Variants in SCD5 observed in about 807,000 individuals in gnomAD.
SCD5 encodes acyl-CoA-desaturase 4.
In SCD5, 20 loss-of-function variants were observed where a neutral mutation model predicts 30.4. The observed-to-expected ratio is 0.66, with a 90% CI of 0.46 to 0.96. The LOEUF (loss-of-function observed/expected upper bound fraction) is 0.96. Among genes scored for constraint, SCD5 ranks in the 40% least tolerant of loss-of-function variants. The probability of loss-of-function intolerance (pLI) is 0.00; values close to 1 mark genes in which losing one functional copy is unlikely to be tolerated. For missense variants in SCD5, 381 were observed against 443.3 expected (o/e 0.86, Z 1.26); for synonymous variants, 173 against 176.4 (o/e 0.98, Z 0.16).
At chr4:82,684,390 A>T (rs1410430903) in intron 2 of SCD5, among the ~76,000 whole-genome samples, 1 of 152,230 alleles carries the variant, frequency 6.6e-6, no homozygotes, top group African/African-American at 2.4e-5. Flanking sequence ...AAATAAATTA[A>T]AAAAAGAAAT....
chr4:82,680,578 T>C, intron 3 of SCD5, 129 bp downstream of exon 3: 1 of 826,758 alleles, frequency 1.2e-6, no homozygotes, highest in Non-Finnish European at 1.9e-6. Flanking sequence ...AGATAAATCT[T>C]ATAAATATGG....
intron 1 of SCD5, among the ~76,000 whole-genome samples, chr4:82,747,828 T>C (rs17006263): frequency 0.045 from 6,779 of 152,160 alleles, 194 homozygotes; most frequent in South Asian, 0.11. Context: ...ACAAGAACCA[T>C]AGGGGGCAAA....
At chr4:82,656,392 T>C (rs1727868856) in intron 3 of SCD5, among the ~76,000 whole-genome samples, 1 of 152,178 alleles carries the variant, frequency 6.6e-6, no homozygotes, top group South Asian at 2.1e-4. Context: ...CTGAGAATGA[T>C]GGTTTCCAGA....
At chr4:82,667,403 A>AT (rs1459898429) in intron 3 of SCD5, among the ~76,000 whole-genome samples, 1 of 152,190 alleles carries the variant, frequency 6.6e-6, no homozygotes, top group African/African-American at 2.4e-5. Context: ...ATAAAAAGCT[A>AT]TTGAATTATG....
intron 3 of SCD5, among the ~76,000 whole-genome samples, chr4:82,659,359 T>C (rs937356173): frequency 6.6e-6 from 1 of 152,212 alleles, no homozygotes; most frequent in African/African-American, 2.4e-5. Context: ...TAGTTATTTC[T>C]TATCTTCTGC....
At chr4:82,720,448 A>AAAAAAAAAAAAAAAAAAAAAAAAAAC (rs1720346482) in intron 1 of SCD5, among the ~76,000 whole-genome samples, 1 of 148,152 alleles carries the variant, frequency 6.7e-6, no homozygotes. Flanking sequence ...AAATAAAAAA[A>AAAAAAAAAAAAAAAAAAAAAAAAAAC]AAAAAAAAAA....
At chr4:82,683,916 C>A (rs1050899439) in intron 2 of SCD5, among the ~76,000 whole-genome samples, 2 of 152,188 alleles carry the variant, frequency 1.3e-5, no homozygotes, top group Non-Finnish European at 2.9e-5. Flanking sequence ...GTCAATTAAA[C>A]CTCTTTTCTT....
At chr4:82,738,029 C>CA (rs1309984007) in intron 1 of SCD5, among the ~76,000 whole-genome samples, 2 of 148,290 alleles carry the variant, frequency 1.3e-5, no homozygotes, top group African/African-American at 4.9e-5. Context: ...AAAACAACAA[C>CA]AAAAAATAAG....
intron 3 of SCD5, among the ~76,000 whole-genome samples, 169 bp from the exon 4 acceptor site, chr4:82,636,992 A>C (rs1051135893): frequency 2.0e-5 from 3 of 152,238 alleles, no homozygotes; most frequent in African/African-American, 4.8e-5. Context: ...CACAAGACCC[A>C]TATACCTGCA....
At chr4:82,712,256 A>T (rs1315862767) in intron 1 of SCD5, among the ~76,000 whole-genome samples, 1 of 29,794 alleles carries the variant, frequency 3.4e-5, no homozygotes, top group African/African-American at 2.1e-4. Context: ...ATATATATAT[A>T]TATATATATA....
At chr4:82,781,710 C>CT (rs1265395631) in intron 1 of SCD5, among the ~76,000 whole-genome samples, 29 of 152,146 alleles carry the variant, frequency 1.9e-4, no homozygotes, top group Admixed American at 1.8e-3. Flanking sequence ...CTCCCTCTTG[C>CT]TCTCTCTCAC....
At chr4:82,672,257 A>T (rs1728342542) in intron 3 of SCD5, among the ~76,000 whole-genome samples, 1 of 152,120 alleles carries the variant, frequency 6.6e-6, no homozygotes, top group Non-Finnish European at 1.5e-5. Flanking sequence ...AATAAATGAA[A>T]CCAAAAGCTG....
At chr4:82,753,045 C>G (rs1721139613) in intron 1 of SCD5, among the ~76,000 whole-genome samples, 1 of 152,114 alleles carries the variant, frequency 6.6e-6, no homozygotes, top group African/African-American at 2.4e-5. Context: ...TCTGGGGACC[C>G]ACACCATCAG....
chr4:82,647,552 T>C (rs1307895167), intron 3 of SCD5, among the ~76,000 whole-genome samples: 4 of 152,208 alleles, frequency 2.6e-5, no homozygotes, highest in Admixed American at 1.3e-4. Flanking sequence ...GTAAAAGATA[T>C]GACCCTTGTG....
At chr4:82,664,989 C>CTATATATA (rs1258047236) in intron 3 of SCD5, among the ~76,000 whole-genome samples, 6 of 103,254 alleles carry the variant, frequency 5.8e-5, no homozygotes, top group Admixed American at 9.3e-5. Flanking sequence ...CTCTCTCTCT[C>CTATATATA]TCTCTCTCTC....
intron 3 of SCD5, among the ~76,000 whole-genome samples, chr4:82,662,238 G>T (rs954546601): frequency 4.0e-5 from 6 of 151,812 alleles, no homozygotes; most frequent in Middle Eastern, 3.2e-3. Context: ...CTTATTTTTG[G>T]TAGAGACAGG....
chr4:82,669,151 C>G (rs1728252402), intron 3 of SCD5, among the ~76,000 whole-genome samples: 1 of 151,714 alleles, frequency 6.6e-6, no homozygotes, highest in African/African-American at 2.4e-5. Context: ...ACATCCCACT[C>G]CATTGAGAAT....
chr4:82,634,983 T>C (rs1727393918), intron 4 of SCD5, among the ~76,000 whole-genome samples: 1 of 152,214 alleles, frequency 6.6e-6, no homozygotes, highest in African/African-American at 2.4e-5. Flanking sequence ...TCAGTGCAAG[T>C]TGACAAGAAC....
intron 1 of SCD5, among the ~76,000 whole-genome samples, chr4:82,749,420 T>C (rs1456728849): frequency 6.6e-6 from 1 of 152,236 alleles, no homozygotes; most frequent in African/African-American, 2.4e-5. Flanking sequence ...CCAGCTAGGC[T>C]TCTCTTAAAA....
Sources: gnomAD v4.1 joint callset for allele counts (sites outside exome capture counted in the v4.1 genomes callset) on GRCh38, gnomAD v4.1.1 for gene constraint, MANE v1.5 for transcripts, NCBI Gene and HGNC (gene_info 2026-07-23, HGNC 2026-07-21) for gene names.